PLCB4: variants seen among roughly 807,000 people sequenced by gnomAD.
The protein encoded by PLCB4 is 1-phosphatidylinositol 4,5-bisphosphate phosphodiesterase beta-4.
In PLCB4, 77 loss-of-function variants were observed where a neutral mutation model predicts 178.8. The observed-to-expected ratio is 0.43, with a 90% confidence interval of 0.36 to 0.52. PLCB4 has a LOEUF of 0.52. Among genes scored for constraint, PLCB4 ranks in the 20% least tolerant of loss-of-function variants. The pLI, the probability that PLCB4 is intolerant of heterozygous loss-of-function variation, is 0.00. For synonymous variants in PLCB4, 496 were observed against 490.8 expected, an observed-to-expected ratio of 1.01 and a Z score of -0.14; for missense variants, 1,024 against 1,453.4, an observed-to-expected ratio of 0.70 and a Z score of 4.80.
chr20:9,377,796 G>A (rs923049466), intron 12 of PLCB4, among the ~76,000 whole-genome samples: 5 of 152,154 alleles, frequency 3.3e-5, no homozygotes, highest in Admixed American at 2.0e-4. Flanking sequence ...CACTGAACAT[G>A]CTTCTATCCT....
At chr20:9,122,153 A>G (rs1326883852) in intron 2 of PLCB4, among the ~76,000 whole-genome samples, 2 of 152,180 alleles carry the variant, frequency 1.3e-5, no homozygotes, top group Middle Eastern at 3.2e-3. Context: ...GTATTTAAAT[A>G]TTATCTTTCT....
At chr20:9,463,009 G>A (rs1033159919) in intron 35 of PLCB4, among the ~76,000 whole-genome samples, 2 of 152,186 alleles carry the variant, frequency 1.3e-5, no homozygotes, top group African/African-American at 4.8e-5. Flanking sequence ...GTTAAGGGCA[G>A]CCAGAGAGAA....
At chr20:9,450,658 CTT>C (rs60982044) in intron 32 of PLCB4, among the ~76,000 whole-genome samples, 3 of 100,274 alleles carry the variant, frequency 3.0e-5, no homozygotes, top group South Asian at 3.3e-4. Context: ...CTTTTCTTTT[CTT>C]TTTTTTTTTT....
intron 4 of PLCB4, among the ~76,000 whole-genome samples, chr20:9,325,706 T>C (rs952568481): frequency 4.6e-5 from 7 of 152,200 alleles, no homozygotes; most frequent in African/African-American, 1.7e-4. Flanking sequence ...TTAGTGACCA[T>C]AAAGTCAATC....
At chr20:9,358,116 T>C (rs2035001990) in intron 7 of PLCB4, among the ~76,000 whole-genome samples, 1 of 152,216 alleles carries the variant, frequency 6.6e-6, no homozygotes, top group African/African-American at 2.4e-5. Flanking sequence ...TAAATGTGTG[T>C]GTGCAAAAGA....
intron 7 of PLCB4, among the ~76,000 whole-genome samples, chr20:9,342,055 A>G (rs1231040907): frequency 1.3e-5 from 2 of 151,988 alleles, no homozygotes; most frequent in Non-Finnish European, 2.9e-5. Flanking sequence ...TATTGAGTAC[A>G]TTTTTCCACC....
In PLCB4 at chr20:9,141,148, A is replaced by G. The variant is rs2092482185; in HGVS notation, c.-79+44806A>G. Among the ~76,000 whole-genome samples, 3 of 152,098 alleles carry G rather than the reference A, an allele frequency of 2.0e-5. No individual in the cohort carries two copies. In the South Asian group the frequency reaches 6.2e-4, roughly 32 times the overall value. ...AACTTTTTCTTTTCTTTATGCTTCT[A>G]CCACCATGGGGCCCTAAATCTGTAC... On this transcript the variant is annotated intron_variant, in intron 2 of 39. Coordinates refer to ENST00000378473, the MANE Select transcript of PLCB4 (RefSeq NM_001377142.1).
At chr20:9,170,351 G>GATTTAATA (rs2093043256) in intron 2 of PLCB4, among the ~76,000 whole-genome samples, 1 of 152,206 alleles carries the variant, frequency 6.6e-6, no homozygotes, top group Admixed American at 6.5e-5. Context: ...GTTTTAACAA[G>GATTTAATA]AGTAGCTTAG....
chr20:9,182,080 C>T (rs2093255412), intron 2 of PLCB4, among the ~76,000 whole-genome samples: 1 of 152,152 alleles, frequency 6.6e-6, no homozygotes, highest in Non-Finnish European at 1.5e-5. Flanking sequence ...CACCTATAAC[C>T]TGGCCCGTGG....
At chr20:9,434,327 T>C (rs1341719752) in intron 28 of PLCB4, among the ~76,000 whole-genome samples, 2 of 152,194 alleles carry the variant, frequency 1.3e-5, no homozygotes, top group Non-Finnish European at 2.9e-5. Flanking sequence ...CTTTTCATTT[T>C]ATATATTTGA....
At position 9,301,151 on chromosome 20, in the gene PLCB4, A is replaced by G. The variant is rs145175032; in HGVS notation, c.-15-6649A>G. 5.3e-3 allele frequency among the ~76,000 whole-genome samples: 808 copies of G among 151,688 alleles called. 9 individuals are homozygous for G. The highest frequency in any genetic ancestry group is 0.018 in the African/African-American group (736 of 41,360). ...GTAAGGACATTTAGGGCCCACCTGG[A>G]TGATCCAGAATAATCTCCCCATCTC... On this transcript the variant is annotated intron_variant, in intron 3 of 39. Transcript: ENST00000378473.
chr20:9,141,704 A>G (rs1048528201), intron 2 of PLCB4, among the ~76,000 whole-genome samples: 1 of 152,132 alleles, frequency 6.6e-6, no homozygotes, highest in Non-Finnish European at 1.5e-5. Flanking sequence ...CCCAGGAATT[A>G]TGGCATGCGT....
chr20:9,479,076 A>G lies in PLCB4; in HGVS notation c.*67A>G. On this transcript the variant is annotated 3_prime_UTR_variant, in exon 40 of 40. Transcript: ENST00000378473. ...TTCTGAACACAAACTCCATGGATGA[A>G]AGCTGTTTATTTTGTTTCCTTTATG... 1 of 1,091,138 alleles carries G rather than the reference A, an allele frequency of 9.2e-7. No homozygotes were observed. The highest frequency in any genetic ancestry group is 1.4e-6 in the Non-Finnish European group (1 of 716,112). 67.6% of individuals were successfully genotyped at this position (1,091,138 alleles called of 1,614,324 possible).
At chr20:9,474,809 A>G (rs1290937377) in intron 38 of PLCB4, among the ~76,000 whole-genome samples, 1 of 152,176 alleles carries the variant, frequency 6.6e-6, no homozygotes, top group African/African-American at 2.4e-5. Flanking sequence ...CTTCCTAGTT[A>G]TGTTTCCCAT....
chr20:9,390,003 C>A, intron 16 of PLCB4, 45 bp downstream of exon 16: 1 of 1,010,926 alleles, frequency 9.9e-7, no homozygotes, highest in Non-Finnish European at 1.6e-6. Flanking sequence ...GGTATTGTTT[C>A]CTAACCCCTA....
At chr20:9,328,782 C>T (rs979075345) in intron 4 of PLCB4, among the ~76,000 whole-genome samples, 3 of 152,158 alleles carry the variant, frequency 2.0e-5, no homozygotes, top group African/African-American at 7.2e-5. Context: ...ACCCGAGGTT[C>T]GTTGTCCCAC....
At chr20:9,314,139 T>C (rs2094870786) in intron 4 of PLCB4, among the ~76,000 whole-genome samples, 1 of 152,076 alleles carries the variant, frequency 6.6e-6, no homozygotes, top group Non-Finnish European at 1.5e-5. Context: ...GGTAGGGCAG[T>C]GGAGTACAGG....
intron 2 of PLCB4, among the ~76,000 whole-genome samples, chr20:9,143,216 G>A (rs570846764): frequency 3.0e-4 from 46 of 152,134 alleles, no homozygotes; most frequent in African/African-American, 4.1e-4. Flanking sequence ...TGGCTGACTC[G>A]TTTGTTGTCC....
chr20:9,189,586 G>A (rs1340901080), intron 2 of PLCB4, among the ~76,000 whole-genome samples: 1 of 152,168 alleles, frequency 6.6e-6, no homozygotes, highest in African/African-American at 2.4e-5. Flanking sequence ...GATGCCAGGA[G>A]CATACTGTCT....
Sources: gnomAD v4.1 joint callset for allele counts (sites outside exome capture counted in the v4.1 genomes callset) on GRCh38, gnomAD v4.1.1 for gene constraint, MANE v1.5 for transcripts, NCBI Gene and HGNC (gene_info 2026-07-23, HGNC 2026-07-21) for gene names.